The following PCDH9 variants were observed in gnomAD, a reference collection of about 807,000 sequenced individuals.
The protein encoded by PCDH9 is protocadherin 9, also known as protocadherin-9.
PCDH9 carries 24 observed loss-of-function variants against 70.6 expected under a neutral mutation model. That is an observed-to-expected ratio of 0.34 (90% CI 0.25 to 0.48). The LOEUF (loss-of-function observed/expected upper bound fraction) is 0.48. Among genes scored for constraint, PCDH9 ranks in the 20% least tolerant of loss-of-function variants. The probability of loss-of-function intolerance (pLI) is 0.99; values close to 1 mark genes in which losing one functional copy is unlikely to be tolerated. For missense variants in PCDH9, 1,281 were observed against 1,503.6 expected, an observed-to-expected ratio of 0.85 and a Z score of 2.45; for synonymous variants, 562 against 558.5, an observed-to-expected ratio of 1.01 and a Z score of -0.09.
chr13:66,863,588 C>T (rs937515362), intron 3 of PCDH9, among the ~76,000 whole-genome samples: 7 of 152,046 alleles, frequency 4.6e-5, no homozygotes, highest in African/African-American at 1.4e-4. Context: ...CGGGTTCACG[C>T]CATTCTCTTG....
intron 4 of PCDH9, among the ~76,000 whole-genome samples, chr13:66,548,289 G>C (rs1002972564): frequency 6.6e-6 from 1 of 151,962 alleles, no homozygotes; most frequent in Non-Finnish European, 1.5e-5. Context: ...CTTAGGCCAG[G>C]CATGGTGGCT....
chr13:66,977,729 G>A (rs998972407), intron 2 of PCDH9, among the ~76,000 whole-genome samples: 2 of 152,084 alleles, frequency 1.3e-5, no homozygotes, highest in Non-Finnish European at 2.9e-5. Context: ...TCTCTCCAGA[G>A]TACTTCAGAT....
intron 4 of PCDH9, among the ~76,000 whole-genome samples, chr13:66,429,575 C>A (rs371118827): frequency 6.6e-6 from 1 of 151,440 alleles, no homozygotes; most frequent in South Asian, 2.1e-4. Flanking sequence ...AGAGTACAAA[C>A]GGAAGAGCTC....
At chr13:67,223,359 T>C (rs1354619286) in intron 2 of PCDH9, 1 of 152,260 alleles carries the variant, frequency 6.6e-6, no homozygotes, top group East Asian at 1.9e-4. Context: ...TCAATGCTAA[T>C]ATCACCACGT....
At chr13:67,018,127 A>G (rs17082048) in intron 2 of PCDH9, among the ~76,000 whole-genome samples, 6,952 of 152,280 alleles carry the variant, frequency 0.046, 283 homozygotes, top group African/African-American at 0.11. Flanking sequence ...TGTAATAGCT[A>G]AAATGAGTCT....
chr13:66,355,133 G>A (rs1486692154), intron 4 of PCDH9, among the ~76,000 whole-genome samples: 1 of 151,958 alleles, frequency 6.6e-6, no homozygotes, highest in Non-Finnish European at 1.5e-5. Context: ...GAGATGCCAT[G>A]TAGTTTCTCA....
chr13:66,649,313 G>C (rs1177990468), intron 3 of PCDH9, among the ~76,000 whole-genome samples: 3 of 151,972 alleles, frequency 2.0e-5, no homozygotes, highest in Non-Finnish European at 4.4e-5. Flanking sequence ...AAAACAGCAA[G>C]AGAAAAGAAA....
intron 4 of PCDH9, among the ~76,000 whole-genome samples, chr13:66,552,206 C>T (rs1369762230): frequency 6.6e-5 from 10 of 152,042 alleles, no homozygotes. Context: ...CATGTCACTC[C>T]CAAACGTGTA....
chr13:66,726,056 A>G (rs1174548469), intron 3 of PCDH9, among the ~76,000 whole-genome samples: 1 of 152,204 alleles, frequency 6.6e-6, no homozygotes, highest in Non-Finnish European at 1.5e-5. Context: ...GGTGAGCTAG[A>G]TAGGATACTT....
At chr13:66,397,601 G>A (rs1174165690) in intron 4 of PCDH9, among the ~76,000 whole-genome samples, 1 of 150,810 alleles carries the variant, frequency 6.6e-6, no homozygotes, top group Non-Finnish European at 1.5e-5. Flanking sequence ...TAATGCATTT[G>A]TACATATATG....
At chr13:66,366,933 G>A (rs1016902887) in intron 4 of PCDH9, among the ~76,000 whole-genome samples, 3 of 151,968 alleles carry the variant, frequency 2.0e-5, no homozygotes, top group Non-Finnish European at 4.4e-5. Context: ...AACATTACAT[G>A]CCCAGTAAAT....
intron 4 of PCDH9, among the ~76,000 whole-genome samples, chr13:66,498,602 T>A (rs1959153678): frequency 6.6e-6 from 1 of 152,160 alleles, no homozygotes; most frequent in Admixed American, 6.5e-5. Flanking sequence ...AGTATTATAA[T>A]GCCATATATA....
Position 67,226,790 on chromosome 13 carries a change from G to T in PCDH9, c.1651C>A (p.Pro551Thr). 1 of 1,614,052 alleles carries T rather than the reference G, an allele frequency of 6.2e-7. No individual in the cohort carries two copies. Among genetic ancestry groups the T allele is most frequent in the Middle Eastern group, 1.6e-4 (1 of 6,062 alleles). The change falls in exon 2 of 5, where the codon CCC becomes ACC. Residue 551 changes from proline to threonine, a missense_variant. Physicochemically the swap from Pro to Thr is conservative, Grantham distance 38. Around this residue, in one of 4 missense-constraint regions of PCDH9, gnomAD observed 798 missense variants for 1,003.1 expected, o/e 0.80. Coordinates refer to ENST00000377865, the MANE Select transcript of PCDH9 (RefSeq NM_203487.3). The surrounding 1 kb of genome is among the most constrained non-coding windows in gnomAD (Gnocchi z 5.0). ...TVTARDNGTP[P>T]LQSQAAVIVT... ...ATCACAGCCGCTTGGCTTTGGAGGG[G>T]AGGGGTCCCATTGTCCCTGGCAGTT...
intron 3 of PCDH9, among the ~76,000 whole-genome samples, chr13:66,718,882 C>G (rs2078905541): frequency 6.6e-6 from 1 of 152,142 alleles, no homozygotes; most frequent in Non-Finnish European, 1.5e-5. Flanking sequence ...TGGCTTGCAG[C>G]GTGGACCAGA....
In PCDH9 at chr13:66,355,313, G is replaced by T. The variant is rs1355729565; in HGVS notation, c.3341-50285C>A. On this transcript the variant is annotated intron_variant, in intron 4 of 4. Coordinates refer to ENST00000377865, the MANE Select transcript of PCDH9 (RefSeq NM_203487.3). ...TGAGTCACAGACATGCGCATACTGG[G>T]TGCAACAGAATATTTGAGTAACCTA... Among the ~76,000 whole-genome samples, 3 of 152,044 alleles carry T rather than the reference G, an allele frequency of 2.0e-5. No individual in the cohort carries two copies. In the East Asian group the frequency reaches 5.8e-4, roughly 29 times the overall value.
At chr13:66,854,183 T>A (rs1349482718) in intron 3 of PCDH9, among the ~76,000 whole-genome samples, 3 of 152,190 alleles carry the variant, frequency 2.0e-5, no homozygotes, top group African/African-American at 4.8e-5. Flanking sequence ...AGACATTGGT[T>A]CCAACACTGT....
At chr13:67,074,462 G>A (rs1312853635) in intron 2 of PCDH9, among the ~76,000 whole-genome samples, 1 of 152,102 alleles carries the variant, frequency 6.6e-6, no homozygotes. Flanking sequence ...CGGTATTTTT[G>A]TTATAGCATC....
Position 66,656,149 on chromosome 13 carries a change from T to G in PCDH9, c.3139-24738A>C, listed in dbSNP as rs575364966. Among the ~76,000 whole-genome samples, 12 of 147,224 alleles carry G rather than the reference T, an allele frequency of 8.2e-5. No individual in the cohort carries two copies. In the South Asian group the frequency reaches 8.5e-4, roughly 10 times the overall value. On this transcript the variant is annotated intron_variant, in intron 3 of 4. Coordinates refer to ENST00000377865, the MANE Select transcript of PCDH9 (RefSeq NM_203487.3). ...AAAAGCAAAAAAAAAAAAAGCAAAA[T>G]CAAAGCAAACTTCTTGTCAGCAGGC...
At chr13:66,934,652 A>G (rs2082878180) in intron 2 of PCDH9, among the ~76,000 whole-genome samples, 1 of 149,244 alleles carries the variant, frequency 6.7e-6, no homozygotes, top group African/African-American at 2.5e-5. Context: ...ATTTTAGTGA[A>G]TATTTTATGA....
Sources: allele counts gnomAD v4.1 joint callset (sites outside exome capture counted in the v4.1 genomes callset), GRCh38; gene constraint gnomAD v4.1.1; regional missense constraint gnomAD v4.1.1; non-coding constraint Gnocchi (gnomAD v3.1); transcripts MANE v1.5; gene names NCBI Gene and HGNC (gene_info 2026-07-23, HGNC 2026-07-21).